UNC13C: variants seen among roughly 807,000 people sequenced by gnomAD.
UNC13C encodes protein unc-13 homolog C.
In UNC13C, 174 loss-of-function variants were observed where a neutral mutation model predicts 245.4. That is an observed-to-expected ratio of 0.71 (90% confidence interval 0.63 to 0.80). The LOEUF is 0.80. Ranked by LOEUF, UNC13C falls within the 30% of genes least tolerant of loss-of-function variation. The pLI is 0.00. For synonymous variants in UNC13C, 992 were observed against 895.1 expected (o/e 1.11, Z -1.93); for missense variants, 2,829 against 2,602.9 (o/e 1.09, Z -1.89).
intron 28 of UNC13C, among the ~76,000 whole-genome samples, chr15:54,552,705 AATTAT>A (rs1459762559): frequency 5.7e-5 from 5 of 88,056 alleles, no homozygotes; most frequent in Non-Finnish European, 7.8e-5. Context: ...TATTATATAT[AATTAT>A]ATTATATTGT....
chr15:54,358,626 G>A lies in UNC13C; in HGVS notation c.4713+20137G>A, dbSNP rs114966452. On this transcript the variant is annotated intron_variant, in intron 17 of 32. Transcript: ENST00000260323. ...ATTTGAGATAGTCTGTAATTGGTGT[G>A]TAGAAATGCAACTAATTTTTATATG... 2.9e-3 allele frequency among the ~76,000 whole-genome samples: 446 copies of A among 151,996 alleles called. 1 individual carries two copies. Among genetic ancestry groups the A allele is most frequent in the African/African-American group, 0.01 (426 of 41,490 alleles).
At chr15:54,333,919 AGTCT>A in intron 16 of UNC13C, 63 bp downstream of exon 16, 1 of 1,273,948 alleles carries the variant, frequency 7.8e-7, no homozygotes, top group African/African-American at 1.5e-5. Flanking sequence ...CCCCTGGTAA[AGTCT>A]TGCTTTACCC....
chr15:54,416,613 C>G lies in UNC13C; in HGVS notation c.4933+1546C>G, dbSNP rs960564626. ...ACTGTCTCTTTGGGACCCCAAGATT[C>G]TCTTACATCAGACAGGAACTACCAG... On this transcript the variant is annotated intron_variant, in intron 19 of 32. Transcript: ENST00000260323. Among the ~76,000 whole-genome samples the G allele has an allele frequency of 4.6e-5, 7 of 152,264 alleles. No homozygotes were observed. The South Asian group carries it at 8.3e-4, about 18-fold the overall frequency.
At chr15:53,877,244 C>T in the UNC13C span, among the ~76,000 whole-genome samples, 1 of 152,256 alleles carries the variant, frequency 6.6e-6, no homozygotes, top group South Asian at 2.1e-4. Context: ...ATCAGTGTTC[C>T]ACAGGGGCTT....
chr15:54,123,315 A>G (rs2030807558), intron 2 of UNC13C, among the ~76,000 whole-genome samples: 3 of 151,758 alleles, frequency 2.0e-5, no homozygotes, highest in African/African-American at 7.2e-5. Context: ...TCTAGATATA[A>G]CTAGAGAGAG....
chr15:54,185,640 T>C (rs2033953422), intron 4 of UNC13C, among the ~76,000 whole-genome samples: 1 of 146,448 alleles, frequency 6.8e-6, no homozygotes, highest in Non-Finnish European at 1.5e-5. Flanking sequence ...ATCTCTGTTT[T>C]TGTACCAGTA....
chr15:54,328,039 A>G (rs967568660), intron 14 of UNC13C, among the ~76,000 whole-genome samples: 2 of 152,132 alleles, frequency 1.3e-5, no homozygotes, highest in African/African-American at 4.8e-5. Flanking sequence ...AAGCCTATCT[A>G]AAGTTTAACC....
At chr15:54,084,700 G>A (rs904237584) in intron 2 of UNC13C, among the ~76,000 whole-genome samples, 3 of 152,054 alleles carry the variant, frequency 2.0e-5, no homozygotes, top group Non-Finnish European at 4.4e-5. Flanking sequence ...AGAATATTCA[G>A]GTCATATGCT....
chr15:54,351,210 G>T (rs1380308795), intron 17 of UNC13C, among the ~76,000 whole-genome samples: 3 of 152,092 alleles, frequency 2.0e-5, no homozygotes, highest in Admixed American at 6.6e-5. Flanking sequence ...TGCTGCTAAA[G>T]GGTTCTTGGC....
the UNC13C span, among the ~76,000 whole-genome samples, chr15:53,894,661 T>C: frequency 6.6e-6 from 1 of 152,222 alleles, no homozygotes; most frequent in South Asian, 2.1e-4. Context: ...CTTCTTGCTA[T>C]TATGGAAATA....
At chr15:54,584,147 T>G (rs1898353714) in intron 30 of UNC13C, among the ~76,000 whole-genome samples, 1 of 152,162 alleles carries the variant, frequency 6.6e-6, no homozygotes, top group Non-Finnish European at 1.5e-5. Context: ...TCCTGGAGAT[T>G]GGCTGGTTTC....
intron 10 of UNC13C, among the ~76,000 whole-genome samples, chr15:54,271,074 A>C (rs1394603803): frequency 6.6e-6 from 1 of 152,254 alleles, no homozygotes; most frequent in African/African-American, 2.4e-5. Flanking sequence ...AATTTTATTT[A>C]TCTTACTTTA....
chr15:54,253,838 A>C (rs560271269), intron 8 of UNC13C, among the ~76,000 whole-genome samples: 1 of 152,324 alleles, frequency 6.6e-6, no homozygotes, highest in African/African-American at 2.4e-5. Flanking sequence ...TAGAAAAAAG[A>C]CAGCTACAGA....
At chr15:54,321,478 C>A in intron 13 of UNC13C, 1 of 485,866 alleles carries the variant, frequency 2.1e-6, no homozygotes, top group Non-Finnish European at 4.1e-6. Flanking sequence ...CTACATCCAC[C>A]TCCTCCACAG....
At chr15:53,936,445 C>T in the UNC13C span, among the ~76,000 whole-genome samples, 1 of 152,340 alleles carries the variant, frequency 6.6e-6, no homozygotes, top group South Asian at 2.1e-4. Context: ...ACCTTTCCTG[C>T]CTGCTGGCTC....
In UNC13C at chr15:54,067,708, T is replaced by G. The variant is rs149107103; in HGVS notation, c.2983+51822T>G. Among the ~76,000 whole-genome samples, 830 of 152,312 alleles carry G rather than the reference T, an allele frequency of 5.4e-3. 6 individuals are homozygous for G. The highest frequency in any genetic ancestry group is 0.019 in the African/African-American group (787 of 41,568). On this transcript the variant is annotated intron_variant, in intron 2 of 32. Transcript: ENST00000260323. The stretch of plus-strand genomic sequence containing the variant: ...ATCTCTCTGAAGATGCTAGGGGATA[T>G]TCAGACTTACGTCATTAGCCCTCTG...
chr15:54,216,748 T>C (rs943548810), intron 4 of UNC13C, among the ~76,000 whole-genome samples: 4 of 152,002 alleles, frequency 2.6e-5, no homozygotes, highest in African/African-American at 9.7e-5. Context: ...TTCTATGCCC[T>C]ATTTAAGTTT....
At chr15:54,418,520 T>C (rs531537680) in intron 19 of UNC13C, among the ~76,000 whole-genome samples, 100 of 152,248 alleles carry the variant, frequency 6.6e-4, no homozygotes, top group African/African-American at 2.3e-3. Flanking sequence ...CTTCTTTATC[T>C]ATATCTTATG....
chr15:54,492,099 C>T (rs1467240304), intron 19 of UNC13C, among the ~76,000 whole-genome samples: 2 of 151,730 alleles, frequency 1.3e-5, no homozygotes, highest in African/African-American at 4.8e-5. Flanking sequence ...TCTACCTAAT[C>T]AGAGTTTACA....
Sources: gnomAD v4.1 joint callset for allele counts (sites outside exome capture counted in the v4.1 genomes callset) on GRCh38, gnomAD v4.1.1 for gene constraint, MANE v1.5 for transcripts, NCBI Gene and HGNC (gene_info 2026-07-23, HGNC 2026-07-21) for gene names.